Variants in DPP10 observed in about 807,000 individuals in gnomAD.
The protein encoded by DPP10 is inactive dipeptidyl peptidase 10.
DPP10 carries 33 observed loss-of-function variants against 120.9 expected under a neutral mutation model. The observed-to-expected ratio is 0.27, with a 90% CI of 0.21 to 0.37. DPP10 has a LOEUF of 0.37. Ranked by LOEUF, DPP10 falls within the 10% of genes least tolerant of loss-of-function variation. The pLI, the probability that DPP10 is intolerant of heterozygous loss-of-function variation, is 1.00. For synonymous variants in DPP10, 337 were observed against 326.1 expected, an observed-to-expected ratio of 1.03 and a Z score of -0.36; for missense variants, 816 against 942.8, an observed-to-expected ratio of 0.87 and a Z score of 1.76.
At chr2:114,617,690 T>A (rs1488756479) in intron 1 of DPP10, among the ~76,000 whole-genome samples, 1 of 152,068 alleles carries the variant, frequency 6.6e-6, no homozygotes, top group Non-Finnish European at 1.5e-5. Context: ...AAGCACCAAG[T>A]TTTATACTTG....
intron 3 of DPP10, among the ~76,000 whole-genome samples, chr2:115,379,471 C>A (rs1302290468): frequency 6.6e-6 from 1 of 152,168 alleles, no homozygotes; most frequent in African/African-American, 2.4e-5. Flanking sequence ...TGCTAGCGGT[C>A]TGTCAATTTT....
chr2:115,777,282 T>G lies in DPP10; in HGVS notation c.1296T>G (p.Asp432Glu). 6.2e-7 allele frequency: 1 copy of G among 1,612,966 alleles called. No individual in the cohort carries two copies. The highest frequency in any genetic ancestry group is 1.7e-5 in the Admixed American group (1 of 59,896). The change falls in exon 14 of 26, where the codon GAT becomes GAG. Residue 432 changes from aspartate (D) to glutamate (E), a missense_variant. By Grantham distance (45) the Asp-to-Glu change is conservative. Coordinates refer to ENST00000410059, the MANE Select transcript of DPP10 (RefSeq NM_020868.6). ...AAGTGATAAAGATCTTGGCATACGA[T>G]GAAACTACTCAAAAAATGTGAGTGT... ...NWEVIKILAYDETTQKIYFLS... is the reference protein window; with the variant it reads ...NWEVIKILAYEETTQKIYFLS...
intron 1 of DPP10, among the ~76,000 whole-genome samples, chr2:114,706,304 C>T (rs1054584476): frequency 3.9e-5 from 6 of 152,020 alleles, no homozygotes; most frequent in Non-Finnish European, 7.4e-5. Flanking sequence ...TGTATTGGCA[C>T]CCAAGTTGCT....
chr2:115,511,701 TTTCTTCTTCTTCTTC>T (rs565620236), intron 4 of DPP10, among the ~76,000 whole-genome samples: 1 of 130,362 alleles, frequency 7.7e-6, no homozygotes, highest in Non-Finnish European at 1.5e-5. Context: ...TTTTTTCTTC[TTTCTTCTTCTTCTTC>T]TTCTTCTTCT....
At chr2:115,526,725 T>G (rs1014702245) in intron 5 of DPP10, among the ~76,000 whole-genome samples, 1 of 152,124 alleles carries the variant, frequency 6.6e-6, no homozygotes, top group Non-Finnish European at 1.5e-5. Context: ...ATTTATGAAC[T>G]TAAGGCAGGA....
intron 1 of DPP10, among the ~76,000 whole-genome samples, chr2:115,147,409 A>G (rs535245927): frequency 6.6e-6 from 1 of 152,174 alleles, no homozygotes; most frequent in East Asian, 1.9e-4. Context: ...AATCTCTGCT[A>G]TGCTTCTAAG....
At chr2:114,622,756 A>G (rs1190836614) in intron 1 of DPP10, among the ~76,000 whole-genome samples, 33 of 152,154 alleles carry the variant, frequency 2.2e-4, no homozygotes, top group Non-Finnish European at 1.5e-4. Flanking sequence ...TTTAGTTGCC[A>G]CCTTGCTACC....
intron 1 of DPP10, among the ~76,000 whole-genome samples, chr2:114,522,551 A>G (rs1685160831): frequency 6.6e-6 from 1 of 152,182 alleles, no homozygotes; most frequent in South Asian, 2.1e-4. Context: ...TTACAAATGT[A>G]TTACTGCATC....
chr2:115,416,173 A>G (rs1027271137), intron 3 of DPP10, among the ~76,000 whole-genome samples: 15 of 152,012 alleles, frequency 9.9e-5, no homozygotes, highest in Admixed American at 9.2e-4. Context: ...TGGAATGGCC[A>G]CCCCAATGGC....
chr2:115,686,717 C>A (rs1244570014), intron 5 of DPP10, among the ~76,000 whole-genome samples: 4 of 151,918 alleles, frequency 2.6e-5, no homozygotes, highest in African/African-American at 9.7e-5. Context: ...TATCTTAAGG[C>A]CAGCTTCCAG....
intron 1 of DPP10, chr2:115,161,936 C>A (rs983453836): frequency 6.9e-6 from 10 of 1,441,930 alleles, no homozygotes; most frequent in African/African-American, 5.9e-5. Flanking sequence ...AGGAAGCGAG[C>A]GCCAGCGCGG....
intron 3 of DPP10, among the ~76,000 whole-genome samples, chr2:115,398,110 C>G (rs1284748776): frequency 6.6e-6 from 1 of 151,852 alleles, no homozygotes; most frequent in Non-Finnish European, 1.5e-5. Flanking sequence ...TGCATATGAA[C>G]TTAAAAACTC....
At chr2:115,793,111 A>G (rs754381364) in intron 19 of DPP10, among the ~76,000 whole-genome samples, 15 of 152,114 alleles carry the variant, frequency 9.9e-5, no homozygotes, top group Admixed American at 2.6e-4. Context: ...TATAAGAGGA[A>G]TATAAGGACC....
rs75004519 is a variant in DPP10 at position 115,315,097 on chromosome 2, C to T, written c.175+5744C>T. Among the ~76,000 whole-genome samples the T allele has an allele frequency of 6.0e-3, 904 of 151,898 alleles. 7 individuals are homozygous for T. The highest frequency in any genetic ancestry group is 0.02 in the African/African-American group (836 of 41,448). ...GAGTGACTAAATTGACCTTGGTATT[C>T]GACTGACTTGGATTCATCTCCTAGC... On this transcript the variant is annotated intron_variant, in intron 2 of 25. Coordinates refer to ENST00000410059, the MANE Select transcript of DPP10 (RefSeq NM_020868.6).
At chr2:115,014,656 C>A (rs1474430034) in intron 1 of DPP10, among the ~76,000 whole-genome samples, 1 of 151,742 alleles carries the variant, frequency 6.6e-6, no homozygotes, top group Admixed American at 6.6e-5. Context: ...TGATAAAGGG[C>A]ATATCACCAC....
intron 1 of DPP10, among the ~76,000 whole-genome samples, chr2:114,624,625 G>T (rs1694361524): frequency 6.6e-6 from 1 of 151,828 alleles, no homozygotes; most frequent in South Asian, 2.1e-4. Context: ...CAGGCACTCT[G>T]TGGTGCTTTT....
rs950683532 is a variant in DPP10, at chr2:114,969,483, CAT to C, written c.61-339754_61-339753del. Among the ~76,000 whole-genome samples, 102 of 152,184 alleles carry C rather than the reference CAT, an allele frequency of 6.7e-4. 1 individual carries two copies. The highest frequency in any genetic ancestry group is 6.6e-3 in the Admixed American group (101 of 15,272). On this transcript the variant is annotated intron_variant, in intron 1 of 25. Coordinates refer to ENST00000410059, the MANE Select transcript of DPP10 (RefSeq NM_020868.6). ...TGTATGGTGTGTATTCACACACACTCATACACACTAAATTAAAGGAATGAGTC... is the reference window on the plus strand; with the variant it reads ...TGTATGGTGTGTATTCACACACACTCACACACTAAATTAAAGGAATGAGTC...
chr2:115,514,612 A>C (rs2077403673), intron 4 of DPP10, among the ~76,000 whole-genome samples: 1 of 151,856 alleles, frequency 6.6e-6, no homozygotes, highest in Admixed American at 6.6e-5. Flanking sequence ...TTCATTAGAT[A>C]CATGTGGCTA....
intron 1 of DPP10, among the ~76,000 whole-genome samples, chr2:114,767,060 T>G (rs2106128188): frequency 6.7e-6 from 1 of 149,998 alleles, no homozygotes; most frequent in South Asian, 2.1e-4. Context: ...CTCTGAGTAC[T>G]TTTGTTGCAA....
Sources: gnomAD v4.1 joint callset for allele counts (sites outside exome capture counted in the v4.1 genomes callset) on GRCh38, gnomAD v4.1.1 for gene constraint, MANE v1.5 for transcripts, NCBI Gene and HGNC (gene_info 2026-07-23, HGNC 2026-07-21) for gene names.